RFX3: variants seen among roughly 807,000 people sequenced by gnomAD.
The protein encoded by RFX3 is transcription factor RFX3.
RFX3 carries 14 observed loss-of-function variants against 98.6 expected under a neutral mutation model. The observed-to-expected ratio is 0.14, with a 90% confidence interval of 0.09 to 0.22. The LOEUF (loss-of-function observed/expected upper bound fraction) is 0.22, where lower values mean the gene tolerates loss of function less well. RFX3 is among the 10% of genes least tolerant of loss of function. The probability of loss-of-function intolerance (pLI) is 1.00; values close to 1 mark genes in which losing one functional copy is unlikely to be tolerated. For synonymous variants in RFX3, 383 were observed against 328.4 expected (o/e 1.17, Z -1.80); for missense variants, 639 against 926.9 (o/e 0.69, Z 4.03).
At chr9:3,351,180 T>C (rs961778028) in intron 2 of RFX3, among the ~76,000 whole-genome samples, 2 of 151,230 alleles carry the variant, frequency 1.3e-5, no homozygotes, top group Admixed American at 6.6e-5. Flanking sequence ...GAAGAGGCTA[T>C]TCATGTGTGA....
chr9:3,276,594 T>C (rs1482585827), intron 8 of RFX3, among the ~76,000 whole-genome samples: 1 of 152,070 alleles, frequency 6.6e-6, no homozygotes, highest in Admixed American at 6.6e-5. Flanking sequence ...CTGCCATGTT[T>C]TCAACTTCAG....
At chr9:3,395,710 T>C in intron 1 of RFX3, 114 bp from the exon 2 acceptor site, 1 of 1,051,016 alleles carries the variant, frequency 9.5e-7, no homozygotes. Context: ...CTCATACCTC[T>C]TATCCCAACA....
At chr9:3,524,990 G>C (rs553655710) in intron 1 of RFX3, among the ~76,000 whole-genome samples, 5 of 148,250 alleles carry the variant, frequency 3.4e-5, no homozygotes, top group Admixed American at 3.4e-4. Context: ...GGGGTGTGTG[G>C]GGGGGGGGAG....
At chr9:3,262,764 A>ACAG (rs1586788979) in intron 13 of RFX3, among the ~76,000 whole-genome samples, 171 bp downstream of exon 13, 1 of 152,346 alleles carries the variant, frequency 6.6e-6, no homozygotes, top group East Asian at 1.9e-4. Context: ...AACCACAAAC[A>ACAG]TGGGAGCACT....
intron 1 of RFX3, among the ~76,000 whole-genome samples, chr9:3,464,901 T>G (rs1010620355): frequency 4.6e-5 from 7 of 151,820 alleles, no homozygotes; most frequent in African/African-American, 1.7e-4. Context: ...CACATAAACA[T>G]GTAAATACTT....
chr9:3,390,263 G>T (rs1167871589), intron 2 of RFX3, among the ~76,000 whole-genome samples: 3 of 152,078 alleles, frequency 2.0e-5, no homozygotes, highest in Non-Finnish European at 4.4e-5. Context: ...GTAAAGTGGG[G>T]CACTGTTGAA....
At chr9:3,373,125 G>A (rs188103987) in intron 2 of RFX3, among the ~76,000 whole-genome samples, 1 of 152,218 alleles carries the variant, frequency 6.6e-6, no homozygotes, top group Admixed American at 6.5e-5. Context: ...GTGTCAGTAG[G>A]TATGGGGGAA....
chr9:3,387,152 A>G (rs1002691686), intron 2 of RFX3, among the ~76,000 whole-genome samples: 4 of 152,096 alleles, frequency 2.6e-5, no homozygotes, highest in African/African-American at 9.7e-5. Context: ...TTGGTGTCAC[A>G]TTATTGACCC....
chr9:3,319,980 G>A (rs924620527), intron 4 of RFX3, among the ~76,000 whole-genome samples: 1 of 152,048 alleles, frequency 6.6e-6, no homozygotes, highest in Non-Finnish European at 1.5e-5. Context: ...AGTTTTCACT[G>A]TCTAAACTTT....
intron 1 of RFX3, among the ~76,000 whole-genome samples, chr9:3,453,257 C>T (rs559407487): frequency 6.6e-6 from 1 of 152,094 alleles, no homozygotes; most frequent in East Asian, 1.9e-4. Context: ...TGTAAACACC[C>T]CCCAAGTGTA....
chr9:3,490,321 T>G (rs546758104), intron 1 of RFX3: 1 of 984,040 alleles, frequency 1.0e-6, no homozygotes, highest in African/African-American at 1.7e-5. Flanking sequence ...TTCTCTACCA[T>G]AAAATGCCAG....
chr9:3,221,593 T>A lies in RFX3; in HGVS notation c.*3449A>T, dbSNP rs1364179589. 1 of 152,136 alleles carries A rather than the reference T, an allele frequency of 6.6e-6. No homozygotes were observed. 9.4% of individuals were successfully genotyped at this position (152,136 alleles called of 1,614,324 possible). On this transcript the variant is annotated 3_prime_UTR_variant, in exon 17 of 17. Coordinates refer to ENST00000617270, the MANE Select transcript of RFX3 (RefSeq NM_001282116.2). The stretch of plus-strand genomic sequence containing the variant: ...TGAAAAGGCAGTAAGACTTATACAG[T>A]CAGTCCAAACACAGTTTGGATGAAA...
At chr9:3,310,816 T>C (rs893901629) in intron 4 of RFX3, among the ~76,000 whole-genome samples, 2 of 152,130 alleles carry the variant, frequency 1.3e-5, no homozygotes, top group African/African-American at 4.8e-5. Flanking sequence ...AAATATAAAA[T>C]GAATATAAAC....
intron 15 of RFX3, among the ~76,000 whole-genome samples, chr9:3,242,060 G>C (rs1819999582): frequency 1.3e-5 from 2 of 152,138 alleles, no homozygotes; most frequent in South Asian, 4.1e-4. Flanking sequence ...AATTTATATG[G>C]TGAAAAACTG....
At chr9:3,467,094 ATG>A (rs371503483) in intron 1 of RFX3, among the ~76,000 whole-genome samples, 1 of 139,340 alleles carries the variant, frequency 7.2e-6, no homozygotes, top group African/African-American at 2.8e-5. Context: ...ACATACATAT[ATG>A]TAAGTATATA....
intron 2 of RFX3, among the ~76,000 whole-genome samples, chr9:3,351,717 T>A (rs1835154589): frequency 6.6e-6 from 1 of 151,956 alleles, no homozygotes; most frequent in African/African-American, 2.4e-5. Context: ...AAGCTCAACA[T>A]TAAACATAAT....
At position 3,330,361 on chromosome 9, in the gene RFX3, T is replaced by A. The variant is rs1832449117; in HGVS notation, c.372A>T (p.Gly124=). 1 of 1,614,128 alleles carries A rather than the reference T, an allele frequency of 6.2e-7. No homozygotes were observed. The highest frequency in any genetic ancestry group is 8.5e-7 in the Non-Finnish European group (1 of 1,180,024). Residue 124 remains glycine, a synonymous_variant, in exon 4 of 17, where the codon GGA becomes GGT. Transcript: ENST00000617270. ...CTCCAGAGCTGCTGATGAGTTGTCC[T>A]CCTGTGACGCCCATCTGAATCCCAC... ...GTGGIQMGVT[G]GQLISSSGGT...
intron 1 of RFX3, among the ~76,000 whole-genome samples, chr9:3,420,224 G>A (rs1055395763): frequency 2.6e-5 from 4 of 152,104 alleles, no homozygotes; most frequent in East Asian, 1.9e-4. Context: ...CACCACTTGG[G>A]AGAATGATCA....
chr9:3,514,712 G>A (rs997666230), intron 1 of RFX3, among the ~76,000 whole-genome samples: 12 of 152,178 alleles, frequency 7.9e-5, no homozygotes, highest in Non-Finnish European at 1.3e-4. Flanking sequence ...GCCTCCCAAT[G>A]TGCTGGGATT....
Sources: allele counts gnomAD v4.1 joint callset (sites outside exome capture counted in the v4.1 genomes callset), GRCh38; gene constraint gnomAD v4.1.1; transcripts MANE v1.5; gene names NCBI Gene and HGNC (gene_info 2026-07-23, HGNC 2026-07-21).